TBX19: variants seen among roughly 807,000 people sequenced by gnomAD.
TBX19 encodes the protein T-box transcription factor 19.
A neutral mutation model predicts 40.9 loss-of-function variants in TBX19; 33 were observed. The observed-to-expected ratio is 0.81, with a 90% CI of 0.61 to 1.08. TBX19 has a LOEUF of 1.08. Among genes scored for constraint, TBX19 ranks in the 50% least tolerant of loss-of-function variants. The pLI, the probability that TBX19 is intolerant of heterozygous loss-of-function variation, is 0.00. For missense variants in TBX19, 494 were observed against 574.0 expected (o/e 0.86, Z 1.42); for synonymous variants, 220 against 225.0 (o/e 0.98, Z 0.20).
chr1:168,297,097 G>A (rs11589681), intron 3 of TBX19, among the ~76,000 whole-genome samples: 8,241 of 151,824 alleles, frequency 0.054, 330 homozygotes, highest in Middle Eastern at 0.088. Context: ...TCTCTATCAC[G>A]ATCACTATCT....
intron 1 of TBX19, among the ~76,000 whole-genome samples, chr1:168,284,666 C>T (rs1648760213): frequency 6.7e-6 from 1 of 148,150 alleles, no homozygotes; most frequent in Non-Finnish European, 1.5e-5. Flanking sequence ...GTCCCAGCTA[C>T]TTGGGAGGCT....
At chr1:168,297,685 C>A in intron 3 of TBX19, 39 bp from the exon 4 acceptor site, 1 of 1,589,798 alleles carries the variant, frequency 6.3e-7, no homozygotes, top group South Asian at 1.1e-5. Flanking sequence ...CCATGTGTAT[C>A]CTACTTTTAC....
chr1:168,297,502 CT>C, intron 3 of TBX19: 1 of 617,628 alleles, frequency 1.6e-6, no homozygotes, highest in Non-Finnish European at 3.0e-6. Flanking sequence ...ATAAAATGTC[CT>C]TTGCCAGAGA....
intron 4 of TBX19, among the ~76,000 whole-genome samples, chr1:168,298,819 C>CTCCCTCCCTCCCTCCCTCCCTCCCT (rs1649185122): frequency 4.2e-5 from 2 of 47,578 alleles, no homozygotes; most frequent in Non-Finnish European, 4.0e-5. Flanking sequence ...CCCTCCCTCC[C>CTCCCTCCCTCCCTCCCTCCCTCCCT]TTCCTTTCTT....
chr1:168,304,034 A>C (rs890763905), intron 5 of TBX19, among the ~76,000 whole-genome samples: 1 of 152,074 alleles, frequency 6.6e-6, no homozygotes, highest in Non-Finnish European at 1.5e-5. Context: ...AAGAATTCCT[A>C]ACCACCTGGG....
At chr1:168,293,617 T>G (rs1649023084) in intron 3 of TBX19, among the ~76,000 whole-genome samples, 2 of 151,948 alleles carry the variant, frequency 1.3e-5, no homozygotes, top group South Asian at 4.1e-4. Context: ...GTGTCTTGAG[T>G]GGGTACAATT....
At position 168,308,859 on chromosome 1, in the gene TBX19, C is replaced by A. The variant is rs1454333630; in HGVS notation, c.1034C>A (p.Pro345Gln). ...CTGTCTGTACCCCACACCAACGGAC[C>A]AATCAATCCAGGGCCCAGGTAAGAC... ...SILSVPHTNGPINPGPSPYPC... is the reference protein window; with the variant it reads ...SILSVPHTNGQINPGPSPYPC... The change falls in exon 7 of 8, where the codon CCA (proline) becomes CAA (glutamine). Residue 345 changes from proline (P) to glutamine (Q), a missense_variant. Transcript: ENST00000367821. 6.2e-7 allele frequency: 1 copy of A among 1,613,998 alleles called. No homozygotes were observed. The highest frequency in any genetic ancestry group is 8.5e-7 in the Non-Finnish European group (1 of 1,180,022).
At chr1:168,309,422 G>A (rs929164447) in intron 7 of TBX19, among the ~76,000 whole-genome samples, 9 of 152,138 alleles carry the variant, frequency 5.9e-5, no homozygotes, top group African/African-American at 2.2e-4. Context: ...TTATGGCCTG[G>A]GATCATTTGT....
At chr1:168,281,723 A>G (rs1315525562) in intron 1 of TBX19, among the ~76,000 whole-genome samples, 3 of 152,232 alleles carry the variant, frequency 2.0e-5, no homozygotes, top group African/African-American at 7.2e-5. Flanking sequence ...CTTGCCAGAA[A>G]TGTTTGGCTA....
intron 1 of TBX19, among the ~76,000 whole-genome samples, chr1:168,285,442 C>T (rs1197451577): frequency 6.6e-6 from 1 of 152,188 alleles, no homozygotes; most frequent in Non-Finnish European, 1.5e-5. Flanking sequence ...TCATCTCTGC[C>T]CCTCTTTCTT....
At chr1:168,301,246 A>C (rs1375802717) in intron 5 of TBX19, among the ~76,000 whole-genome samples, 1 of 152,002 alleles carries the variant, frequency 6.6e-6, no homozygotes, top group Non-Finnish European at 1.5e-5. Flanking sequence ...CCGCATAAAG[A>C]GAAGCAGCTC....
Position 168,291,272 on chromosome 1 carries a change from G to C in TBX19, c.316G>C (p.Gly106Arg). 1 of 1,614,198 alleles carries C rather than the reference G, an allele frequency of 6.2e-7. No individual in the cohort carries two copies. Among genetic ancestry groups the C allele is most frequent in the Non-Finnish European group, 8.5e-7 (1 of 1,180,046 alleles). The change falls in exon 2 of 8, where the codon GGG becomes CGG. Residue 106 changes from glycine (G) to arginine (R), a missense_variant. Physicochemically the swap from Gly to Arg is moderately radical, Grantham distance 125. Transcript: ENST00000367821. ...CAGTCACCGCTGGAAGTACGTCAAC[G>C]GGGAATGGGTGCCCGCTGGCAAGCC... ...TDSHRWKYVN[G>R]EWVPAGKPEV...
intron 2 of TBX19, among the ~76,000 whole-genome samples, chr1:168,292,789 G>A (rs1412559969): frequency 2.0e-5 from 3 of 151,452 alleles, no homozygotes; most frequent in African/African-American, 7.3e-5. Flanking sequence ...GCGTGAACCC[G>A]GGAGGCGGAG....
At chr1:168,304,656 T>C (rs1268538083) in intron 5 of TBX19, among the ~76,000 whole-genome samples, 1 of 152,236 alleles carries the variant, frequency 6.6e-6, no homozygotes, top group Non-Finnish European at 1.5e-5. Context: ...TACTATTATT[T>C]AAACTATAAG....
Position 168,293,284 on chromosome 1 carries a change from AGTGTGT to A in TBX19, c.603+43_603+48del, listed in dbSNP as rs57039241. 8,449 of 1,319,122 alleles carry A rather than the reference AGTGTGT, an allele frequency of 6.4e-3. 7 individuals are homozygous for A. Among genetic ancestry groups the A allele is most frequent in the Non-Finnish European group, 7.1e-3 (6,970 of 981,652 alleles). The allele number at this position is 1,319,122 out of a possible 1,614,324, so 81.7% of individuals were successfully genotyped here. ...CTGCCTATCAGAATGAGGAGGTAAG[AGTGTGT>A]GTGTGTGTGTGTGTGTGTGTGTGTG... On this transcript the variant is annotated splice_region_variant and intron_variant, in intron 3 of 7. Coordinates refer to ENST00000367821, the MANE Select transcript of TBX19 (RefSeq NM_005149.3).
intron 5 of TBX19, among the ~76,000 whole-genome samples, chr1:168,303,321 TGA>T (rs991933602): frequency 1.3e-5 from 2 of 152,214 alleles, no homozygotes; most frequent in African/African-American, 2.4e-5. Flanking sequence ...GATAGTTTGC[TGA>T]GAATGATGGT....
Position 168,281,192 on chromosome 1 carries a change from C to A in TBX19, c.102C>A (p.Gly34=). 6.2e-7 allele frequency: 1 copy of A among 1,614,064 alleles called. No homozygotes were observed. Among genetic ancestry groups the A allele is most frequent in the Non-Finnish European group, 8.5e-7 (1 of 1,179,978 alleles). Residue 34 remains glycine, a synonymous_variant, in exon 1 of 8, where the codon GGC becomes GGA. Transcript: ENST00000367821. ...AGCTTCAGGCAGGGAGGGAAAAAGG[C>A]GACCCTACGGAGAAGCAACTTCAGA... ...ESELQAGREK[G]DPTEKQLQII... is the part of the protein sequence containing the mutation.
At position 168,313,214 on chromosome 1, in the gene TBX19, C is replaced by T. The variant is rs777829386; in HGVS notation, c.*212C>T. 6.4e-6 allele frequency: 4 copies of T among 621,280 alleles called. No homozygotes were observed. The highest frequency in any genetic ancestry group is 1.1e-5 in the Non-Finnish European group (4 of 354,788). The allele number at this position is 621,280 out of a possible 1,614,324, so 38.5% of individuals were successfully genotyped here. A position where few individuals can be genotyped will look rare whatever the true frequency, so the allele number is the denominator to read the frequency against. On this transcript the variant is annotated 3_prime_UTR_variant, in exon 8 of 8. Coordinates refer to ENST00000367821, the MANE Select transcript of TBX19 (RefSeq NM_005149.3). ...CATCTCTCCACCATTTTCTTCTGCA[C>T]TCCCATTTTCTCTGCAGCTTATTCT...
At chr1:168,296,757 C>T (rs1649115697) in intron 3 of TBX19, among the ~76,000 whole-genome samples, 1 of 152,052 alleles carries the variant, frequency 6.6e-6, no homozygotes, top group South Asian at 2.1e-4. Flanking sequence ...GCCTGTAATC[C>T]CAGCACTTTG....
Sources: allele counts gnomAD v4.1 joint callset (sites outside exome capture counted in the v4.1 genomes callset), GRCh38; gene constraint gnomAD v4.1.1; transcripts MANE v1.5; gene names NCBI Gene and HGNC (gene_info 2026-07-23, HGNC 2026-07-21).